The following DCAF6 variants were observed in gnomAD, a reference collection of about 807,000 sequenced individuals.
DCAF6 encodes the protein DDB1- and CUL4-associated factor 6.
A neutral mutation model predicts 125.1 loss-of-function variants in DCAF6; 54 were observed. The observed-to-expected ratio is 0.43, with a 90% CI of 0.35 to 0.54. The LOEUF is 0.54. Ranked by LOEUF, DCAF6 falls within the 20% of genes least tolerant of loss-of-function variation. The pLI is 0.01. For missense variants in DCAF6, 934 were observed against 1,161.7 expected, an observed-to-expected ratio of 0.80 and a Z score of 2.85; for synonymous variants, 371 against 390.4, an observed-to-expected ratio of 0.95 and a Z score of 0.58.
chr1:167,959,389 T>C (rs901839309), intron 2 of DCAF6, among the ~76,000 whole-genome samples: 2 of 152,192 alleles, frequency 1.3e-5, no homozygotes, highest in Admixed American at 6.5e-5. Context: ...TGTGCAGGTG[T>C]ATGTGTGGAC....
chr1:168,054,555 C>T (rs1690358092), intron 17 of DCAF6, among the ~76,000 whole-genome samples: 1 of 152,166 alleles, frequency 6.6e-6, no homozygotes, highest in Non-Finnish European at 1.5e-5. Flanking sequence ...ATAGCTTTTA[C>T]TATAAACCAA....
At chr1:168,018,044 C>T (rs1239584065) in intron 11 of DCAF6, among the ~76,000 whole-genome samples, 1 of 152,118 alleles carries the variant, frequency 6.6e-6, no homozygotes, top group East Asian at 1.9e-4. Context: ...TGTTTGGCAA[C>T]CATTTTATTC....
At chr1:168,044,517 T>G in intron 14 of DCAF6, 68 bp from the exon 15 acceptor site, 1 of 1,142,552 alleles carries the variant, frequency 8.8e-7, no homozygotes, top group South Asian at 1.3e-5. Flanking sequence ...GATTTTGGTA[T>G]TTTCAGCGAT....
intron 16 of DCAF6, among the ~76,000 whole-genome samples, chr1:168,049,347 A>T (rs1399963598): frequency 6.6e-6 from 1 of 151,188 alleles, no homozygotes; most frequent in Non-Finnish European, 1.5e-5. Context: ...GGCTCAAGCG[A>T]TCTTCCTCCC....
At chr1:167,925,945 AT>A in the DCAF6 span, among the ~76,000 whole-genome samples, 1 of 152,200 alleles carries the variant, frequency 6.6e-6, no homozygotes, top group Non-Finnish European at 1.5e-5. Flanking sequence ...TAGTTTTAAA[AT>A]ATGTTTGCTG....
chr1:168,051,115 A>C (rs572738528), intron 17 of DCAF6, among the ~76,000 whole-genome samples, 182 bp downstream of exon 17: 24 of 152,340 alleles, frequency 1.6e-4, no homozygotes, highest in African/African-American at 5.3e-4. Flanking sequence ...CATGCACTGC[A>C]TGGGGATAGA....
chr1:167,949,828 G>A (rs185973806), intron 1 of DCAF6, among the ~76,000 whole-genome samples: 28 of 152,236 alleles, frequency 1.8e-4, no homozygotes, highest in Non-Finnish European at 4.4e-5. Context: ...TTAAGGTACT[G>A]TTCTTATTTT....
At chr1:168,037,280 A>AT (rs1164685813) in intron 12 of DCAF6, among the ~76,000 whole-genome samples, 2 of 152,082 alleles carry the variant, frequency 1.3e-5, no homozygotes, top group Non-Finnish European at 2.9e-5. Flanking sequence ...AGATCCAATA[A>AT]TAAAAAAAAA....
chr1:167,979,568 G>T (rs1438398032), intron 4 of DCAF6, among the ~76,000 whole-genome samples: 1 of 152,122 alleles, frequency 6.6e-6, no homozygotes, highest in East Asian at 1.9e-4. Flanking sequence ...AGATTCCGTT[G>T]TATGTATATA....
At chr1:167,918,298 A>C in the DCAF6 span, 1 of 1,553,170 alleles carries the variant, frequency 6.4e-7, no homozygotes, top group Non-Finnish European at 8.8e-7. Context: ...CCACATCTAG[A>C]TTGTTCAGGT....
At position 168,045,524 on chromosome 1, in the gene DCAF6, T is replaced by G. The variant is rs76950971; in HGVS notation, c.2258+297T>G. ...AATGTTAAGAATGACCCACAGGTTATTTATGAAGTCAAGGTTATACTTAGC... is the reference window on the plus strand; with the variant it reads ...AATGTTAAGAATGACCCACAGGTTAGTTATGAAGTCAAGGTTATACTTAGC... On this transcript the variant is annotated intron_variant, in intron 16 of 21. Transcript: ENST00000367840. Among the ~76,000 whole-genome samples the G allele has an allele frequency of 4.6e-3, 701 of 152,306 alleles. 8 individuals are homozygous for G. The East Asian group carries it at 0.058, about 13-fold the overall frequency.
the DCAF6 span, among the ~76,000 whole-genome samples, chr1:167,869,017 A>G: frequency 2.6e-5 from 4 of 152,238 alleles, no homozygotes; most frequent in South Asian, 6.2e-4. Flanking sequence ...GTCTATAAAA[A>G]TTTAACCTTA....
chr1:167,989,012 G>A (rs571561743), intron 5 of DCAF6, among the ~76,000 whole-genome samples: 7 of 151,436 alleles, frequency 4.6e-5, no homozygotes, highest in African/African-American at 1.7e-4. Context: ...CCTGGGAGGC[G>A]GAGGTTGCAG....
At chr1:167,906,840 G>A in the DCAF6 span, among the ~76,000 whole-genome samples, 2 of 151,910 alleles carry the variant, frequency 1.3e-5, no homozygotes, top group Non-Finnish European at 2.9e-5. Context: ...ATTGAATGTC[G>A]AGAATGAAAG....
At chr1:168,061,869 C>G (rs960582596) in intron 17 of DCAF6, among the ~76,000 whole-genome samples, 1 of 152,064 alleles carries the variant, frequency 6.6e-6, no homozygotes, top group East Asian at 1.9e-4. Context: ...TAAAGCAGAA[C>G]ATTATGCACA....
chr1:167,895,710 G>C, the DCAF6 span, among the ~76,000 whole-genome samples: 1 of 152,158 alleles, frequency 6.6e-6, no homozygotes, highest in Non-Finnish European at 1.5e-5. Context: ...TCTGAGACTC[G>C]GGTGATGTAA....
chr1:167,908,792 A>T, the DCAF6 span, among the ~76,000 whole-genome samples: 1 of 152,214 alleles, frequency 6.6e-6, no homozygotes, highest in East Asian at 1.9e-4. Flanking sequence ...AAATAATGAA[A>T]TTTCAAAAGA....
intron 4 of DCAF6, among the ~76,000 whole-genome samples, chr1:167,977,797 A>T (rs1678482862): frequency 6.6e-6 from 1 of 152,188 alleles, no homozygotes; most frequent in Admixed American, 6.5e-5. Context: ...AATATAGAAC[A>T]TATAGGAAAA....
At chr1:167,903,938 C>A in the DCAF6 span, 1 of 1,614,030 alleles carries the variant, frequency 6.2e-7, no homozygotes, top group Non-Finnish European at 8.5e-7. Context: ...AACTGCTCAG[C>A]CCCTCTGTCC....
Sources: allele counts gnomAD v4.1 joint callset (sites outside exome capture counted in the v4.1 genomes callset), GRCh38; gene constraint gnomAD v4.1.1; transcripts MANE v1.5; gene names NCBI Gene and HGNC (gene_info 2026-07-23, HGNC 2026-07-21).